The following GALNT17 variants were observed in gnomAD, a reference collection of about 807,000 sequenced individuals.
The protein encoded by GALNT17 is polypeptide N-acetylgalactosaminyltransferase 17.
In GALNT17, 29 loss-of-function variants were observed where a neutral mutation model predicts 63.7. That is an observed-to-expected ratio of 0.46 (90% CI 0.34 to 0.62). GALNT17 has a LOEUF of 0.62. Ranked by LOEUF, GALNT17 falls within the 20% of genes least tolerant of loss-of-function variation. The pLI is 0.01. For missense variants in GALNT17, 603 were observed against 799.6 expected, an observed-to-expected ratio of 0.75 and a Z score of 2.97; for synonymous variants, 305 against 318.3, an observed-to-expected ratio of 0.96 and a Z score of 0.45.
At chr7:71,463,252 C>T (rs1787480708) in intron 5 of GALNT17, among the ~76,000 whole-genome samples, 1 of 152,086 alleles carries the variant, frequency 6.6e-6, no homozygotes, top group Admixed American at 6.6e-5. Context: ...AAACAAAAGC[C>T]GTAGGATTCT....
intron 6 of GALNT17, among the ~76,000 whole-genome samples, chr7:71,582,889 C>T (rs1213497640): frequency 6.6e-6 from 1 of 151,948 alleles, no homozygotes; most frequent in African/African-American, 2.4e-5. Context: ...GTGATGGGTG[C>T]ATCAAAATCT....
chr7:71,581,310 C>G (rs1562699374), intron 6 of GALNT17, among the ~76,000 whole-genome samples: 1 of 152,104 alleles, frequency 6.6e-6, no homozygotes, highest in Non-Finnish European at 1.5e-5. Flanking sequence ...CAGATGTGCA[C>G]TACCATGCTC....
At chr7:71,348,415 T>C (rs1467225504) in intron 2 of GALNT17, among the ~76,000 whole-genome samples, 1 of 152,210 alleles carries the variant, frequency 6.6e-6, no homozygotes, top group Non-Finnish European at 1.5e-5. Context: ...CTGAAATGCG[T>C]TTAAAACAAA....
intron 6 of GALNT17, among the ~76,000 whole-genome samples, chr7:71,610,406 T>G (rs1474256831): frequency 1.3e-5 from 2 of 152,094 alleles, no homozygotes; most frequent in African/African-American, 4.8e-5. Context: ...CAGGATCACT[T>G]GAACCCAAGG....
intron 1 of GALNT17, among the ~76,000 whole-genome samples, chr7:71,335,277 G>T (rs1303152683): frequency 6.6e-6 from 1 of 152,058 alleles, no homozygotes; most frequent in African/African-American, 2.4e-5. Context: ...GACTACAGGT[G>T]TGCACCACGA....
chr7:71,622,532 T>C (rs73702238), intron 6 of GALNT17, among the ~76,000 whole-genome samples: 425 of 152,290 alleles, frequency 2.8e-3, no homozygotes, highest in African/African-American at 9.9e-3. Flanking sequence ...TAATCTTGAA[T>C]GCATCAACTG....
chr7:71,484,201 T>C (rs1787869983), intron 5 of GALNT17, among the ~76,000 whole-genome samples: 1 of 152,168 alleles, frequency 6.6e-6, no homozygotes, highest in African/African-American at 2.4e-5. Flanking sequence ...AAGTATTATA[T>C]ACCGGGCCAG....
At chr7:71,363,043 C>T (rs959180019) in intron 2 of GALNT17, among the ~76,000 whole-genome samples, 3 of 151,898 alleles carry the variant, frequency 2.0e-5, no homozygotes, top group African/African-American at 4.8e-5. Context: ...CTCAGCTGAC[C>T]GCAACCTCCA....
At chr7:71,608,618 A>G (rs1273785926) in intron 6 of GALNT17, among the ~76,000 whole-genome samples, 1 of 152,076 alleles carries the variant, frequency 6.6e-6, no homozygotes, top group East Asian at 1.9e-4. Flanking sequence ...CATAGCAAAC[A>G]CCATCTCATT....
chr7:71,365,400 A>C (rs1324115045), intron 2 of GALNT17, among the ~76,000 whole-genome samples: 2 of 151,904 alleles, frequency 1.3e-5, no homozygotes, highest in African/African-American at 4.8e-5. Flanking sequence ...CACCACTCCC[A>C]GCTAATTTTT....
At chr7:71,636,450 G>A (rs978235106) in intron 6 of GALNT17, among the ~76,000 whole-genome samples, 27 of 152,196 alleles carry the variant, frequency 1.8e-4, no homozygotes, top group African/African-American at 6.5e-4. Flanking sequence ...TAACAGGAGG[G>A]TAGGTGGGAA....
At chr7:71,225,448 C>T (rs1789664172) in intron 1 of GALNT17, among the ~76,000 whole-genome samples, 1 of 152,214 alleles carries the variant, frequency 6.6e-6, no homozygotes, top group Non-Finnish European at 1.5e-5. Flanking sequence ...TTACATTGCA[C>T]GTTGCTTCTT....
chr7:71,432,302 C>A (rs1293866699), intron 5 of GALNT17, among the ~76,000 whole-genome samples: 1 of 152,146 alleles, frequency 6.6e-6, no homozygotes, highest in African/African-American at 2.4e-5. Context: ...CATAACAACT[C>A]ATTTCAAGTC....
At chr7:71,336,862 G>A (rs1791917879) in intron 2 of GALNT17, among the ~76,000 whole-genome samples, 1 of 152,092 alleles carries the variant, frequency 6.6e-6, no homozygotes, top group African/African-American at 2.4e-5. Flanking sequence ...CCCAGTAATG[G>A]GATTGCTGGG....
At chr7:71,626,868 G>A (rs1790383161) in intron 6 of GALNT17, among the ~76,000 whole-genome samples, 1 of 152,202 alleles carries the variant, frequency 6.6e-6, no homozygotes, top group South Asian at 2.1e-4. Flanking sequence ...GAGCTGTAGT[G>A]TTTATCAGAT....
intron 3 of GALNT17, among the ~76,000 whole-genome samples, chr7:71,405,976 T>C (rs1483695510): frequency 6.6e-6 from 1 of 152,202 alleles, no homozygotes; most frequent in Non-Finnish European, 1.5e-5. Flanking sequence ...TATGAAGGAA[T>C]TGTTGTAGGC....
intron 6 of GALNT17, among the ~76,000 whole-genome samples, chr7:71,592,925 T>C (rs1210477078): frequency 6.6e-6 from 1 of 152,090 alleles, no homozygotes; most frequent in African/African-American, 2.4e-5. Flanking sequence ...GGTGGGAGAA[T>C]TGCTTGAGCC....
chr7:71,456,624 T>C (rs1787361171), intron 5 of GALNT17, among the ~76,000 whole-genome samples: 1 of 151,716 alleles, frequency 6.6e-6, no homozygotes, highest in Non-Finnish European at 1.5e-5. Context: ...CTCAGGAGGC[T>C]ATGGCAGGAG....
At chr7:71,612,878 A>G (rs1790145779) in intron 6 of GALNT17, among the ~76,000 whole-genome samples, 1 of 152,222 alleles carries the variant, frequency 6.6e-6, no homozygotes, top group African/African-American at 2.4e-5. Context: ...GCCAGTCCCC[A>G]TCAATGACAA....
Sources: gnomAD v4.1 joint callset for allele counts (sites outside exome capture counted in the v4.1 genomes callset) on GRCh38, gnomAD v4.1.1 for gene constraint, MANE v1.5 for transcripts, NCBI Gene and HGNC (gene_info 2026-07-23, HGNC 2026-07-21) for gene names.